The following SOX5 variants were observed in gnomAD, a reference collection of about 807,000 sequenced individuals.
SOX5 encodes SRY-box transcription factor 5.
Under a neutral mutation model 92.0 loss-of-function variants are expected in SOX5, and 9 were observed. That is an observed-to-expected ratio of 0.10 (90% CI 0.06 to 0.17). The LOEUF (loss-of-function observed/expected upper bound fraction) is 0.17. Ranked by LOEUF, SOX5 falls within the 10% of genes least tolerant of loss-of-function variation. The probability of loss-of-function intolerance (pLI) is 1.00; values close to 1 mark genes in which losing one functional copy is unlikely to be tolerated. For missense variants in SOX5, 642 were observed against 944.5 expected, an observed-to-expected ratio of 0.68 and a Z score of 4.20; for synonymous variants, 344 against 336.3, an observed-to-expected ratio of 1.02 and a Z score of -0.25.
At chr12:23,854,133 T>G (rs1006537556) in intron 2 of SOX5, among the ~76,000 whole-genome samples, 7 of 152,024 alleles carry the variant, frequency 4.6e-5, no homozygotes, top group African/African-American at 1.7e-4. Flanking sequence ...TGTACCAAAA[T>G]TTTTAATAGA....
intron 11 of SOX5, among the ~76,000 whole-genome samples, chr12:23,561,734 G>A (rs1946236388): frequency 1.3e-5 from 2 of 151,614 alleles, no homozygotes; most frequent in South Asian, 4.2e-4. Context: ...GGATTTGGTC[G>A]GTTGTCACTT....
chr12:23,612,996 C>T (rs2076147117), intron 8 of SOX5, among the ~76,000 whole-genome samples: 1 of 152,108 alleles, frequency 6.6e-6, no homozygotes, highest in Admixed American at 6.6e-5. Context: ...CATTATTTTT[C>T]ATAATGTTTT....
At chr12:23,609,044 T>C (rs1346549866) in intron 8 of SOX5, among the ~76,000 whole-genome samples, 1 of 152,122 alleles carries the variant, frequency 6.6e-6, no homozygotes, top group East Asian at 1.9e-4. Flanking sequence ...AGGTATGTTT[T>C]CATAGAAGAA....
intron 2 of SOX5, among the ~76,000 whole-genome samples, chr12:23,893,444 C>CA (rs527851709): frequency 0.025 from 3,371 of 136,814 alleles, 44 homozygotes; most frequent in Non-Finnish European, 0.032. Flanking sequence ...GACTCCATCT[C>CA]AAAAAAAAAA....
At chr12:23,614,521 T>C (rs1371329081) in intron 8 of SOX5, among the ~76,000 whole-genome samples, 1 of 152,222 alleles carries the variant, frequency 6.6e-6, no homozygotes, top group African/African-American at 2.4e-5. Flanking sequence ...TTGAAAAGTA[T>C]TTATTTGCAT....
chr12:24,357,286 T>A (rs1954957610), intron 2 of SOX5: 1 of 152,094 alleles, frequency 6.6e-6, no homozygotes. Flanking sequence ...AAACAAGACT[T>A]TAGGACCTCT....
At chr12:23,809,681 T>C (rs1446604663) in intron 3 of SOX5, among the ~76,000 whole-genome samples, 1 of 151,590 alleles carries the variant, frequency 6.6e-6, no homozygotes, top group African/African-American at 2.4e-5. Flanking sequence ...CTATAGTTTT[T>C]CCCTTTTTTA....
chr12:23,869,028 G>C (rs1010703987), intron 2 of SOX5, among the ~76,000 whole-genome samples: 1 of 151,950 alleles, frequency 6.6e-6, no homozygotes, highest in Non-Finnish European at 1.5e-5. Flanking sequence ...CATTCTTATA[G>C]GCTGCGTAAC....
intron 4 of SOX5, among the ~76,000 whole-genome samples, chr12:24,182,799 C>A (rs143625802): frequency 6.6e-6 from 1 of 152,082 alleles, no homozygotes; most frequent in East Asian, 1.9e-4. Context: ...CTGCAACTTC[C>A]GCCTCACAGG....
chr12:23,725,172 A>G (rs779364685), intron 6 of SOX5, among the ~76,000 whole-genome samples: 2 of 152,186 alleles, frequency 1.3e-5, no homozygotes, highest in Non-Finnish European at 2.9e-5. Context: ...ATTAAAGGAT[A>G]TGTTTTTAAA....
At chr12:23,683,895 C>A (rs1395306386) in intron 6 of SOX5, among the ~76,000 whole-genome samples, 1 of 151,674 alleles carries the variant, frequency 6.6e-6, no homozygotes, top group Non-Finnish European at 1.5e-5. Flanking sequence ...AGTTTTCAGA[C>A]AAGCCCATAG....
chr12:23,949,739 TC>T, upstream of SOX5: 1 of 1,052,192 alleles, frequency 9.5e-7, no homozygotes. Flanking sequence ...TCCCTCTCTC[TC>T]TCTCTCTCTC....
At chr12:24,520,099 C>A (rs1365312405) in intron 1 of SOX5, among the ~76,000 whole-genome samples, 1 of 151,012 alleles carries the variant, frequency 6.6e-6, no homozygotes, top group Non-Finnish European at 1.5e-5. Flanking sequence ...CTTTAAAAAT[C>A]AAGCAGAGAT....
At chr12:24,138,877 G>C (rs1187111354) in intron 4 of SOX5, among the ~76,000 whole-genome samples, 1 of 152,162 alleles carries the variant, frequency 6.6e-6, no homozygotes, top group Non-Finnish European at 1.5e-5. Flanking sequence ...TATTGCAACT[G>C]TGTGTATCCC....
Position 24,273,727 on chromosome 12 carries a change from C to G in SOX5, c.-77+3489G>C, listed in dbSNP as rs1944065976. Among the ~76,000 whole-genome samples, 5 of 152,056 alleles carry G rather than the reference C, an allele frequency of 3.3e-5. No individual in the cohort carries two copies. In the South Asian group the frequency reaches 1.0e-3, roughly 32 times the overall value. ...TAATTAATTTCTTCCTTTTATTACACTGAGTTTATTTTGTTGTTTTATAAC... is the reference window on the plus strand; with the variant it reads ...TAATTAATTTCTTCCTTTTATTACAGTGAGTTTATTTTGTTGTTTTATAAC... On this transcript the variant is annotated intron_variant, in intron 3 of 4. Coordinates refer to the SOX5 transcript ENST00000446891.
At chr12:23,990,512 A>G (rs1439158555) in intron 4 of SOX5, among the ~76,000 whole-genome samples, 1 of 152,110 alleles carries the variant, frequency 6.6e-6, no homozygotes, top group Non-Finnish European at 1.5e-5. Context: ...GCTTTTAACT[A>G]CGATGTATTT....
chr12:24,387,443 C>A (rs78613494), intron 1 of SOX5, among the ~76,000 whole-genome samples: 1 of 152,080 alleles, frequency 6.6e-6, no homozygotes, highest in African/African-American at 2.4e-5. Context: ...TCCAGTATGA[C>A]CCAGGGAAGC....
intron 8 of SOX5, among the ~76,000 whole-genome samples, chr12:23,622,158 A>G (rs2077257670): frequency 6.6e-6 from 1 of 152,118 alleles, no homozygotes; most frequent in Admixed American, 6.6e-5. Flanking sequence ...AGCACTTGGA[A>G]CAGGAAGAAA....
At chr12:23,988,964 T>C (rs1034921301) in intron 4 of SOX5, among the ~76,000 whole-genome samples, 1 of 152,156 alleles carries the variant, frequency 6.6e-6, no homozygotes, top group Admixed American at 6.6e-5. Flanking sequence ...TAGAGTTATA[T>C]GATGTGCCAG....
Sources: allele counts gnomAD v4.1 joint callset (sites outside exome capture counted in the v4.1 genomes callset), GRCh38; gene constraint gnomAD v4.1.1; transcripts MANE v1.5; gene names NCBI Gene and HGNC (gene_info 2026-07-23, HGNC 2026-07-21).